Variants in SPECC1 observed in about 807,000 individuals in gnomAD.
SPECC1 encodes cytospin-B.
Under a neutral mutation model 104.1 loss-of-function variants are expected in SPECC1, and 62 were observed. That is an observed-to-expected ratio of 0.60 (90% CI 0.49 to 0.74). The LOEUF is 0.74. Ranked by LOEUF, SPECC1 falls within the 30% of genes least tolerant of loss-of-function variation. The probability of loss-of-function intolerance (pLI) is 0.00; values close to 1 mark genes in which losing one functional copy is unlikely to be tolerated. For synonymous variants in SPECC1, 513 were observed against 501.6 expected, an observed-to-expected ratio of 1.02 and a Z score of -0.30; for missense variants, 1,306 against 1,310.5, an observed-to-expected ratio of 1.00 and a Z score of 0.05.
At chr17:20,190,391 A>G (rs2035582426) in intron 3 of SPECC1, among the ~76,000 whole-genome samples, 1 of 113,336 alleles carries the variant, frequency 8.8e-6, no homozygotes, top group South Asian at 4.1e-4. Context: ...GAAAAGCAAG[A>G]CTGCTGCTGC....
chr17:20,011,850 G>A (rs2043954477), intron 1 of SPECC1, among the ~76,000 whole-genome samples: 1 of 151,340 alleles, frequency 6.6e-6, no homozygotes, highest in Admixed American at 6.6e-5. Flanking sequence ...TATTTTCTAG[G>A]TCAACATTTA....
At chr17:20,042,106 G>A (rs1243977018) in intron 1 of SPECC1, among the ~76,000 whole-genome samples, 1 of 152,150 alleles carries the variant, frequency 6.6e-6, no homozygotes, top group African/African-American at 2.4e-5. Context: ...TCAGACTCTA[G>A]ACCTTATTTA....
At chr17:20,070,452 T>C (rs1033670124) in intron 1 of SPECC1, among the ~76,000 whole-genome samples, 1 of 152,190 alleles carries the variant, frequency 6.6e-6, no homozygotes, top group Admixed American at 6.5e-5. Flanking sequence ...TGGGAGAAAT[T>C]CCATTTGGTC....
intron 12 of SPECC1, among the ~76,000 whole-genome samples, chr17:20,295,923 C>A (rs993645354): frequency 2.0e-5 from 3 of 152,114 alleles, no homozygotes; most frequent in Non-Finnish European, 4.4e-5. Flanking sequence ...GATATTAGCC[C>A]TTTGCCAGAT....
intron 12 of SPECC1, among the ~76,000 whole-genome samples, chr17:20,287,423 C>CAAAAAAAAAAAAA (rs61713120): frequency 1.0e-5 from 1 of 98,044 alleles, no homozygotes; most frequent in African/African-American, 4.2e-5. Flanking sequence ...GACTCCGTCT[C>CAAAAAAAAAAAAA]AAAAAAAAAA....
intron 4 of SPECC1, among the ~76,000 whole-genome samples, chr17:20,221,572 T>C (rs1327417286): frequency 6.6e-6 from 1 of 152,166 alleles, no homozygotes; most frequent in African/African-American, 2.4e-5. Context: ...GCCAAAGTTT[T>C]GTCAATTTTG....
Position 20,275,021 on chromosome 17 carries a change from C to A in SPECC1, c.2940+14727C>A, listed in dbSNP as rs557613191. On this transcript the variant is annotated intron_variant, in intron 12 of 14. Coordinates refer to ENST00000395527, the MANE Select transcript of SPECC1 (RefSeq NM_001243439.2). ...TCTATCAACTAAAGGAAGCTTGCAT[C>A]TGTTTTGAGCTTACCGGGGGATGTT... 7.2e-5 allele frequency among the ~76,000 whole-genome samples: 11 copies of A among 151,766 alleles called. 1 individual carries two copies. Among genetic ancestry groups the A allele is most frequent in the Middle Eastern group, 6.8e-3 (2 of 294 alleles).
chr17:20,306,684 GAA>G (rs991727928), intron 14 of SPECC1, among the ~76,000 whole-genome samples: 1 of 152,226 alleles, frequency 6.6e-6, no homozygotes, highest in Non-Finnish European at 1.5e-5. Context: ...AGGAGAGAGA[GAA>G]AAGAGAGAGA....
At chr17:20,237,185 A>T (rs1016310985) in intron 7 of SPECC1, 2 of 1,309,850 alleles carry the variant, frequency 1.5e-6, no homozygotes. Flanking sequence ...ACAAAGTACA[A>T]GTCTTATGAA....
chr17:20,227,899 C>G, intron 5 of SPECC1, among the ~76,000 whole-genome samples: 1 of 151,938 alleles, frequency 6.6e-6, no homozygotes, highest in Non-Finnish European at 1.5e-5. Flanking sequence ...CAAATGAGGT[C>G]AAGCCCAGGA....
chr17:20,083,345 T>C (rs1201899935), intron 1 of SPECC1, among the ~76,000 whole-genome samples: 2 of 152,300 alleles, frequency 1.3e-5, no homozygotes, highest in South Asian at 2.1e-4. Context: ...AGAGAGGACA[T>C]AGACAAAATG....
chr17:20,023,525 CAG>C (rs1333353127), intron 1 of SPECC1, among the ~76,000 whole-genome samples: 2 of 151,908 alleles, frequency 1.3e-5, no homozygotes, highest in African/African-American at 4.8e-5. Flanking sequence ...AATTGGGCAG[CAG>C]GGGTTGGGAG....
At chr17:20,186,166 C>T (rs2035260878) in intron 3 of SPECC1, among the ~76,000 whole-genome samples, 1 of 152,134 alleles carries the variant, frequency 6.6e-6, no homozygotes, top group Admixed American at 6.5e-5. Flanking sequence ...TTTCACGTTG[C>T]ATTTTAACTA....
At chr17:20,121,573 C>A (rs979853339) in intron 3 of SPECC1, among the ~76,000 whole-genome samples, 2 of 152,172 alleles carry the variant, frequency 1.3e-5, no homozygotes, top group South Asian at 2.1e-4. Flanking sequence ...CTGGGCTCCT[C>A]CTGCCTTGGC....
chr17:20,070,148 T>C (rs564216745), intron 1 of SPECC1, among the ~76,000 whole-genome samples: 1 of 152,344 alleles, frequency 6.6e-6, no homozygotes, highest in African/African-American at 2.4e-5. Flanking sequence ...TGGTATAATG[T>C]TGACAAGAAG....
At chr17:20,226,221 T>C (rs974350038) in intron 4 of SPECC1, among the ~76,000 whole-genome samples, 15 of 152,180 alleles carry the variant, frequency 9.9e-5, no homozygotes, top group Non-Finnish European at 2.1e-4. Flanking sequence ...AATAATATAG[T>C]CAAACAGTGG....
intron 1 of SPECC1, among the ~76,000 whole-genome samples, chr17:20,094,980 C>A: frequency 6.6e-6 from 1 of 152,192 alleles, no homozygotes; most frequent in East Asian, 1.9e-4. Flanking sequence ...AAGTCATCTC[C>A]ATGAGTCAGT....
chr17:20,312,613 TA>T lies in SPECC1; in HGVS notation c.3118-1362del, dbSNP rs2041962458. 1.3e-5 allele frequency among the ~76,000 whole-genome samples: 2 copies of T among 152,232 alleles called. 1 individual carries two copies. The highest frequency in any genetic ancestry group is 4.1e-4 in the South Asian group (2 of 4,834). ...ATCAGTTCCTTTCTGTAAGTCATGTTAGCAACACTCCTTGGTACGGATTTTA... is the reference window on the plus strand; with the variant it reads ...ATCAGTTCCTTTCTGTAAGTCATGTTGCAACACTCCTTGGTACGGATTTTA... On this transcript the variant is annotated intron_variant, in intron 14 of 14. Transcript: ENST00000395527.
At chr17:20,038,057 T>C (rs1046811046) in intron 1 of SPECC1, among the ~76,000 whole-genome samples, 1 of 152,160 alleles carries the variant, frequency 6.6e-6, no homozygotes, top group East Asian at 1.9e-4. Context: ...TGTGTAGAGT[T>C]GTTTCTAATT....
Sources: allele counts gnomAD v4.1 joint callset (sites outside exome capture counted in the v4.1 genomes callset), GRCh38; gene constraint gnomAD v4.1.1; transcripts MANE v1.5; gene names NCBI Gene and HGNC (gene_info 2026-07-23, HGNC 2026-07-21).